OXR1: variants seen among roughly 807,000 people sequenced by gnomAD.
The protein encoded by OXR1 is oxidation resistance protein 1.
A neutral mutation model predicts 104.6 loss-of-function variants in OXR1; 41 were observed. That is an observed-to-expected ratio of 0.39 (90% CI 0.31 to 0.51). OXR1 has a LOEUF of 0.51. OXR1 is among the 20% of genes least tolerant of loss of function. The pLI is 0.77. For synonymous variants in OXR1, 348 were observed against 348.4 expected (o/e 1.00, Z 0.01); for missense variants, 955 against 1,031.9 (o/e 0.93, Z 1.02).
chr8:106,355,397 C>T (rs1815920468), intron 1 of OXR1, among the ~76,000 whole-genome samples: 1 of 152,018 alleles, frequency 6.6e-6, no homozygotes, highest in Non-Finnish European at 1.5e-5. Context: ...AGCAATCAAT[C>T]ATTTACATGT....
At chr8:106,590,254 C>A (rs565695468) in intron 3 of OXR1, among the ~76,000 whole-genome samples, 1 of 152,156 alleles carries the variant, frequency 6.6e-6, no homozygotes, top group Non-Finnish European at 1.5e-5. Context: ...TAAATGACTG[C>A]GGCAATACAG....
chr8:106,322,607 A>G (rs1452067554), intron 1 of OXR1, among the ~76,000 whole-genome samples: 1 of 152,330 alleles, frequency 6.6e-6, no homozygotes, highest in Non-Finnish European at 1.5e-5. Context: ...CTCTGTTTGC[A>G]GACGACATGA....
chr8:106,743,864 G>A (rs1835155056), intron 15 of OXR1, among the ~76,000 whole-genome samples: 2 of 152,172 alleles, frequency 1.3e-5, no homozygotes, highest in Non-Finnish European at 2.9e-5. Context: ...GCCCATCGAT[G>A]ATAGACTGGA....
At chr8:106,601,893 G>T (rs760993248) in intron 3 of OXR1, among the ~76,000 whole-genome samples, 1 of 152,204 alleles carries the variant, frequency 6.6e-6, no homozygotes, top group African/African-American at 2.4e-5. Flanking sequence ...CCCTTTAAAA[G>T]AGGCTCTAGA....
At chr8:106,406,210 A>C (rs532440130) in intron 2 of OXR1, among the ~76,000 whole-genome samples, 1 of 152,196 alleles carries the variant, frequency 6.6e-6, no homozygotes, top group South Asian at 2.1e-4. Flanking sequence ...ATTGATCCCC[A>C]AAATGGCTGT....
intron 2 of OXR1, among the ~76,000 whole-genome samples, chr8:106,490,770 C>T (rs1268114557): frequency 6.6e-6 from 1 of 152,008 alleles, no homozygotes; most frequent in African/African-American, 2.4e-5. Flanking sequence ...GGAAATATCT[C>T]TGGCCAAGAG....
At chr8:106,630,623 C>T (rs959486288) in intron 3 of OXR1, among the ~76,000 whole-genome samples, 9 of 152,038 alleles carry the variant, frequency 5.9e-5, no homozygotes, top group African/African-American at 2.2e-4. Flanking sequence ...GAAGGGGAAG[C>T]GGGTTGTTTA....
At chr8:106,458,177 T>TG (rs1820709137) in intron 2 of OXR1, among the ~76,000 whole-genome samples, 1 of 152,130 alleles carries the variant, frequency 6.6e-6, no homozygotes, top group African/African-American at 2.4e-5. Flanking sequence ...CCAAAGGCAT[T>TG]TCAAAGATTT....
intron 2 of OXR1, among the ~76,000 whole-genome samples, chr8:106,386,778 G>A (rs1313504324): frequency 1.3e-5 from 2 of 152,202 alleles, no homozygotes; most frequent in African/African-American, 4.8e-5. Context: ...TTTCTCTGGT[G>A]TAAAGGGAAG....
intron 6 of OXR1, among the ~76,000 whole-genome samples, chr8:106,686,941 A>G (rs1828794802): frequency 6.6e-6 from 1 of 152,334 alleles, no homozygotes; most frequent in Non-Finnish European, 1.5e-5. Context: ...AATAGCTAAA[A>G]TGTAGTATTG....
intron 2 of OXR1, among the ~76,000 whole-genome samples, chr8:106,508,827 G>T (rs533184482): frequency 4.6e-5 from 7 of 152,192 alleles, no homozygotes; most frequent in African/African-American, 1.7e-4. Context: ...GTAGATCGTT[G>T]GACTACATTG....
At chr8:106,550,091 G>T (rs186877310) in intron 3 of OXR1, among the ~76,000 whole-genome samples, 2 of 152,120 alleles carry the variant, frequency 1.3e-5, no homozygotes, top group Non-Finnish European at 2.9e-5. Flanking sequence ...GAAAAACGTG[G>T]CTTGAAGAGC....
rs549177782 is a variant in OXR1, at chr8:106,514,264, T to G, written c.24-4679T>G. Among the ~76,000 whole-genome samples the G allele has an allele frequency of 2.3e-3, 345 of 152,302 alleles. 2 individuals are homozygous for G. Among genetic ancestry groups the G allele is most frequent in the Non-Finnish European group, 4.1e-3 (281 of 68,014 alleles). ...GTTTAACGCATTTAATTAAGAACAT[T>G]GTTAAAAATTTAAAAAGACTTCCCC... On this transcript the variant is annotated intron_variant, in intron 2 of 16. Coordinates refer to ENST00000517566, the MANE Select transcript of OXR1 (RefSeq NM_001198533.2).
intron 3 of OXR1, among the ~76,000 whole-genome samples, chr8:106,661,449 A>G (rs1280433399): frequency 2.6e-5 from 4 of 152,200 alleles, no homozygotes; most frequent in African/African-American, 7.2e-5. Flanking sequence ...TTAAAATACA[A>G]TGCTTGTTCC....
intron 11 of OXR1, chr8:106,726,127 C>CT: frequency 7.1e-7 from 1 of 1,410,434 alleles, no homozygotes; most frequent in Non-Finnish European, 9.2e-7. Flanking sequence ...CTCTAGCAAA[C>CT]TGTTTTGTCA....
In OXR1 at chr8:106,663,472, T is replaced by A. The variant is rs1293059918; in HGVS notation, c.221-15738T>A. ...ACAGAGCTGGAAATGCAAAATCCAA[T>A]GAGGGTGTGAGAAAAATTAGGTATA... On this transcript the variant is annotated intron_variant, in intron 3 of 16. Transcript: ENST00000517566. Among the ~76,000 whole-genome samples the A allele has an allele frequency of 2.0e-5, 3 of 152,158 alleles. No individual in the cohort carries two copies. In the East Asian group the frequency reaches 5.8e-4, roughly 29 times the overall value.
intron 2 of OXR1, among the ~76,000 whole-genome samples, chr8:106,441,401 G>A (rs999303634): frequency 6.6e-6 from 1 of 151,752 alleles, no homozygotes; most frequent in Non-Finnish European, 1.5e-5. Flanking sequence ...GGCTATATGG[G>A]GTTCTTTGAT....
intron 11 of OXR1, among the ~76,000 whole-genome samples, chr8:106,721,558 TA>T (rs1396133558): frequency 6.6e-6 from 1 of 152,190 alleles, no homozygotes; most frequent in Non-Finnish European, 1.5e-5. Context: ...AAAATACTGA[TA>T]AAAAGACATT....
intron 2 of OXR1, among the ~76,000 whole-genome samples, chr8:106,400,273 C>A (rs1817948509): frequency 1.3e-5 from 2 of 152,072 alleles, no homozygotes; most frequent in Non-Finnish European, 2.9e-5. Flanking sequence ...ACTGCAACAT[C>A]CTTAAGTCAG....
Sources: gnomAD v4.1 joint callset for allele counts (sites outside exome capture counted in the v4.1 genomes callset) on GRCh38, gnomAD v4.1.1 for gene constraint, MANE v1.5 for transcripts, NCBI Gene and HGNC (gene_info 2026-07-23, HGNC 2026-07-21) for gene names.